Variants in SV2B observed in about 807,000 individuals in gnomAD.
SV2B encodes solute carrier family 22 member B2.
SV2B carries 41 observed loss-of-function variants against 73.9 expected under a neutral mutation model. The ratio of observed to expected loss-of-function variants is 0.56; its 90% confidence interval spans 0.43 to 0.72. The LOEUF is 0.72. Ranked by LOEUF, SV2B falls within the 30% of genes least tolerant of loss-of-function variation. The pLI, the probability that SV2B is intolerant of heterozygous loss-of-function variation, is 0.00. For synonymous variants in SV2B, 314 were observed against 314.2 expected (o/e 1.00, Z 0.01); for missense variants, 764 against 857.8 (o/e 0.89, Z 1.37).
rs1479676016 is a variant in SV2B, at chr15:91,301,886, A to T, written c.*9334A>T. On this transcript the variant is annotated 3_prime_UTR_variant, in exon 13 of 13. Coordinates refer to ENST00000394232, the MANE Select transcript of SV2B (RefSeq NM_001323032.3). This position sits in a 1 kb window ranked among gnomAD's most constrained non-coding sequence, Gnocchi z 4.3. Reference sequence around the variant, plus strand: ...AATTTGGGAGCATTTCGGATTTTTGACTTTTGGATTTGGATTTGGAATGCT... The same window carrying T: ...AATTTGGGAGCATTTCGGATTTTTGTCTTTTGGATTTGGATTTGGAATGCT... 2.0e-5 allele frequency among the ~76,000 whole-genome samples: 3 copies of T among 152,152 alleles called. No individual in the cohort carries two copies. The highest frequency in any genetic ancestry group is 4.4e-5 in the Non-Finnish European group (3 of 68,026).
At chr15:91,188,720 C>A (rs567008477) in intron 1 of SV2B, among the ~76,000 whole-genome samples, 1 of 152,076 alleles carries the variant, frequency 6.6e-6, no homozygotes, top group Non-Finnish European at 1.5e-5. Context: ...ATTTTTATGC[C>A]CCATCAAGTA....
chr15:91,271,033 GGACGGTGAGTCCTGTGGATGATGGGCA>G (rs2048295484), intron 9 of SV2B, among the ~76,000 whole-genome samples: 1 of 149,022 alleles, frequency 6.7e-6, no homozygotes, highest in Admixed American at 6.6e-5. Context: ...GATGATCGGA[GGACGGTGAGTCCTGTGGATGATGGGCA>G]GACGGTAAGT....
Position 91,281,885 on chromosome 15 carries a change from G to T in SV2B, c.1507+24G>T. 2 of 1,588,786 alleles carry T rather than the reference G, an allele frequency of 1.3e-6. No homozygotes were observed. Among genetic ancestry groups the T allele is most frequent in the South Asian group, 2.3e-5 (2 of 88,410 alleles). ...AGGTAGGTAAGAACATTGACAGATT[G>T]AATAGAAAGTAACAGGAGACAACTT... On this transcript the variant is annotated intron_variant, in intron 10 of 12. Transcript: ENST00000394232. This position sits in a 1 kb window ranked among gnomAD's most constrained non-coding sequence, Gnocchi z 4.7.
Position 91,296,847 on chromosome 15 carries a change from C to CTTGGGCGCATGCTCCTTCTGCCCGATCG in SV2B, c.*4304_*4305insTGCTCCTTCTGCCCGATCGTTGGGCGCA, listed in dbSNP as rs2049259535. On this transcript the variant is annotated 3_prime_UTR_variant, in exon 13 of 13. Coordinates refer to ENST00000394232, the MANE Select transcript of SV2B (RefSeq NM_001323032.3). ...TGGGCTCACGCTCCTTCTGCCCGAT[C>CTTGGGCGCATGCTCCTTCTGCCCGATCG]TTGGGCGCACGCTCCTTCTGCCCGA... The CTTGGGCGCATGCTCCTTCTGCCCGATCG allele has an allele frequency of 7.3e-6, 1 of 136,310 alleles. No homozygotes were observed. The highest frequency in any genetic ancestry group is 2.9e-5 in the African/African-American group (1 of 34,158). The allele number at this position is 136,310 out of a possible 1,614,324, so 8.4% of individuals were successfully genotyped here.
chr15:91,275,565 C>T (rs1306099444), intron 9 of SV2B, among the ~76,000 whole-genome samples: 2 of 152,186 alleles, frequency 1.3e-5, no homozygotes, highest in East Asian at 1.9e-4. Flanking sequence ...TGGCTCACAA[C>T]TGTAATCCTA....
In SV2B at chr15:91,105,002, C is replaced by T. The variant is rs1409228937; in HGVS notation, c.-392+4639C>T. ...CCGGACTCTGCTCGAATGGGCAGAG[C>T]CTGTACTTGCTCTTGTGACTGTCTC... On this transcript the variant is annotated intron_variant, in intron 1 of 12. Transcript: ENST00000394232. The surrounding 1 kb of genome is among the most constrained non-coding windows in gnomAD (Gnocchi z 5.5). Among the ~76,000 whole-genome samples the T allele has an allele frequency of 1.3e-5, 2 of 152,164 alleles. No homozygotes were observed. Among genetic ancestry groups the T allele is most frequent in the Non-Finnish European group, 2.9e-5 (2 of 68,036 alleles).
chr15:91,180,869 G>A (rs1419689234), intron 1 of SV2B, among the ~76,000 whole-genome samples: 8 of 152,084 alleles, frequency 5.3e-5, no homozygotes, highest in Non-Finnish European at 7.4e-5. Context: ...TAGTTTGATC[G>A]TCTGAAGCCT....
In SV2B at chr15:91,152,071, C is replaced by CTTT. The variant is rs59094531; in HGVS notation, c.-392+51721_-392+51723dup. 7.6e-3 allele frequency among the ~76,000 whole-genome samples: 1,047 copies of CTTT among 137,262 alleles called. 32 individuals are homozygous for CTTT. The highest frequency in any genetic ancestry group is 0.025 in the African/African-American group (887 of 35,628). The allele number at this position is 137,262 out of a possible 152,430, so 90.0% of individuals were successfully genotyped here. On this transcript the variant is annotated intron_variant, in intron 1 of 12. Coordinates refer to ENST00000394232, the MANE Select transcript of SV2B (RefSeq NM_001323032.3). ...TTGTCAATCTGAGTTAATTTTTACTCTTTTTTTTTTTTTTTGCCAAAGAGT... is the reference window on the plus strand; with the variant it reads ...TTGTCAATCTGAGTTAATTTTTACTCTTTTTTTTTTTTTTTTTTGCCAAAGAGT...
intron 1 of SV2B, among the ~76,000 whole-genome samples, chr15:91,195,230 T>G (rs763391782): frequency 3.3e-5 from 5 of 152,152 alleles, no homozygotes; most frequent in Non-Finnish European, 7.4e-5. Flanking sequence ...GAATCTTGGC[T>G]CACTGCAGCC....
At position 91,289,674 on chromosome 15, in the gene SV2B, A is replaced by G; in HGVS notation, c.1862A>G (p.Asn621Ser). ...DVITVELYPT[N>S]QRATAFGILN... ...ATCACAGTGGAGCTGTATCCCACCAACCAGAGGTCAGTTCTTCCCCAGGCT... is the reference window on the plus strand; with the variant it reads ...ATCACAGTGGAGCTGTATCCCACCAGCCAGAGGTCAGTTCTTCCCCAGGCT... The change falls in exon 12 of 13, where the codon AAC becomes AGC. Residue 621 changes from asparagine to serine, a missense_variant. By Grantham distance (46) the Asn-to-Ser change is conservative. Coordinates refer to ENST00000394232, the MANE Select transcript of SV2B (RefSeq NM_001323032.3). This position sits in a 1 kb window ranked among gnomAD's most constrained non-coding sequence, Gnocchi z 4.9. 1 of 1,612,384 alleles carries G rather than the reference A, an allele frequency of 6.2e-7. No homozygotes were observed. Among genetic ancestry groups the G allele is most frequent in the Non-Finnish European group, 8.5e-7 (1 of 1,179,452 alleles).
In SV2B at chr15:91,292,722, T is replaced by C. The variant is rs1410689635; in HGVS notation, c.*170T>C. On this transcript the variant is annotated 3_prime_UTR_variant, in exon 13 of 13. Coordinates refer to ENST00000394232, the MANE Select transcript of SV2B (RefSeq NM_001323032.3). Reference sequence around the variant, plus strand: ...CTTCAGCTGTCAATATGTTTGTAACTCAGGTGACTGATTTGGGGGTGCCCT... The same window carrying C: ...CTTCAGCTGTCAATATGTTTGTAACCCAGGTGACTGATTTGGGGGTGCCCT... The C allele has an allele frequency of 2.6e-6, 2 of 779,700 alleles. No individual in the cohort carries two copies. Among genetic ancestry groups the C allele is most frequent in the Non-Finnish European group, 1.9e-6 (1 of 524,520 alleles). The allele number at this position is 779,700 out of a possible 1,614,324, so 48.3% of individuals were successfully genotyped here. A position where few individuals can be genotyped will look rare whatever the true frequency, so the allele number is the denominator to read the frequency against.
chr15:91,158,698 T>TCCCTC (rs1567300631), intron 1 of SV2B, among the ~76,000 whole-genome samples: 1 of 27,018 alleles, frequency 3.7e-5, no homozygotes, highest in African/African-American at 1.6e-4. Flanking sequence ...TCTCTTCTCT[T>TCCCTC]CTCTCCTCTC....
At chr15:91,196,791 A>C (rs1273148070) in intron 1 of SV2B, among the ~76,000 whole-genome samples, 1 of 152,240 alleles carries the variant, frequency 6.6e-6, no homozygotes, top group Non-Finnish European at 1.5e-5. Flanking sequence ...AAATTGCAGT[A>C]AAATGAGTGA....
intron 1 of SV2B, among the ~76,000 whole-genome samples, chr15:91,138,556 A>AT (rs201443216): frequency 6.6e-6 from 1 of 152,168 alleles, no homozygotes; most frequent in Non-Finnish European, 1.5e-5. Context: ...CAGATTGAAG[A>AT]TTTTTTTAAA....
At chr15:91,165,146 G>A (rs977749670) in intron 1 of SV2B, among the ~76,000 whole-genome samples, 3 of 152,034 alleles carry the variant, frequency 2.0e-5, no homozygotes, top group Admixed American at 2.0e-4. Context: ...AGACCAGCCT[G>A]GCCAATATGT....
chr15:91,171,707 C>T (rs1302359615), intron 1 of SV2B, among the ~76,000 whole-genome samples: 2 of 152,224 alleles, frequency 1.3e-5, no homozygotes, highest in South Asian at 2.1e-4. Flanking sequence ...CGGCAACAAT[C>T]GCTTGCTCTC....
chr15:91,248,268 C>T (rs2047330508), intron 2 of SV2B, among the ~76,000 whole-genome samples: 1 of 152,238 alleles, frequency 6.6e-6, no homozygotes, highest in East Asian at 1.9e-4. Context: ...TTGCAGTGAG[C>T]CGAGATCGTG....
rs887217670 is a variant in SV2B, at chr15:91,245,230, A to G, written c.452-6589A>G. ...TATTTGGCATTGTGTCTCAAGAGCC[A>G]CAAACTTGTTGATCTCCTTCGATCT... On this transcript the variant is annotated intron_variant, in intron 2 of 12. Transcript: ENST00000394232. The surrounding 1 kb of genome is among the most constrained non-coding windows in gnomAD (Gnocchi z 4.2). 3.3e-5 allele frequency among the ~76,000 whole-genome samples: 5 copies of G among 152,370 alleles called. No individual in the cohort carries two copies. Among genetic ancestry groups the G allele is most frequent in the African/African-American group, 1.2e-4 (5 of 41,586 alleles).
intron 1 of SV2B, among the ~76,000 whole-genome samples, chr15:91,169,886 T>C (rs12902702): frequency 0.76 from 115,258 of 152,090 alleles, 44,211 homozygotes; most frequent in African/African-American, 0.87. Flanking sequence ...TTTTTTCTTG[T>C]TTAACATCCC....
Sources: gnomAD v4.1 joint callset for allele counts (sites outside exome capture counted in the v4.1 genomes callset) on GRCh38, gnomAD v4.1.1 for gene constraint, Gnocchi (gnomAD v3.1) non-coding constraint, MANE v1.5 for transcripts, NCBI Gene and HGNC (gene_info 2026-07-23, HGNC 2026-07-21) for gene names.